The following ALS2 variants were observed in gnomAD, a reference collection of about 807,000 sequenced individuals.
The protein encoded by ALS2 is alsin.
A neutral mutation model predicts 203.4 loss-of-function variants in ALS2; 117 were observed. The ratio of observed to expected loss-of-function variants is 0.58; its 90% CI spans 0.50 to 0.67. The LOEUF (loss-of-function observed/expected upper bound fraction) is 0.67, where lower values mean the gene tolerates loss of function less well. Ranked by LOEUF, ALS2 falls within the 30% of genes least tolerant of loss-of-function variation. The probability of loss-of-function intolerance (pLI) is 0.00; values close to 1 mark genes in which losing one functional copy is unlikely to be tolerated. For missense variants in ALS2, 1,715 were observed against 1,989.4 expected (o/e 0.86, Z 2.62); for synonymous variants, 718 against 725.9 (o/e 0.99, Z 0.17).
chr2:201,760,519 A>C (rs1574785134), intron 4 of ALS2: 1 of 1,031,146 alleles, frequency 9.7e-7, no homozygotes, highest in East Asian at 8.4e-5. Context: ...TGTTACAAAC[A>C]CAAGTAAGAA....
At position 201,729,109 on chromosome 2, in the gene ALS2, T is replaced by C. The variant is rs754124225; in HGVS notation, c.2655A>G (p.Lys885=). 1.9e-6 allele frequency: 3 copies of C among 1,614,090 alleles called. No individual in the cohort carries two copies. The highest frequency in any genetic ancestry group is 2.5e-6 in the Non-Finnish European group (3 of 1,180,010). ...YECLALHLGR[K]RKEAEYTLGF... The stretch of plus-strand genomic sequence containing the variant: ...CCAGTGTGTATTCTGCTTCCTTCCT[T>C]TTCCTGCCGAGATGGAGAGCAAGAC... The change falls in exon 14 of 34, where the codon AAA becomes AAG. Residue 885 remains lysine (K), a synonymous_variant. Transcript: ENST00000264276.
At chr2:201,728,922 A>T in intron 14 of ALS2, 130 bp downstream of exon 14, 1 of 1,425,042 alleles carries the variant, frequency 7.0e-7, no homozygotes, top group Non-Finnish European at 9.9e-7. Flanking sequence ...TATGGTCCTT[A>T]GACATTTTAG....
chr2:201,749,646 T>A, intron 8 of ALS2, 66 bp downstream of exon 8: 3 of 1,341,320 alleles, frequency 2.2e-6, no homozygotes, highest in Middle Eastern at 3.6e-4. Flanking sequence ...AAATAAGAAA[T>A]GGAGAAGTAT....
At chr2:201,753,848 G>A (rs1693219508) in intron 6 of ALS2, among the ~76,000 whole-genome samples, 1 of 151,980 alleles carries the variant, frequency 6.6e-6, no homozygotes, top group Non-Finnish European at 1.5e-5. Context: ...TGACAGGTGG[G>A]GGCCTCTTTT....
At chr2:201,766,935 C>T (rs1178475794) in intron 3 of ALS2, among the ~76,000 whole-genome samples, 2 of 136,994 alleles carry the variant, frequency 1.5e-5, no homozygotes, top group African/African-American at 2.8e-5. Flanking sequence ...CACACTGGGG[C>T]CTGTTGTGGG....
rs1261661413 is a variant in ALS2 at position 201,707,038 on chromosome 2, G to A, written c.4404-16C>T. ...TACTACATAACTACAAAATAATGGA[G>A]TGGGAGAAAAGGAGCATTTTTCATA... On this transcript the variant is annotated splice_polypyrimidine_tract_variant and intron_variant, in intron 28 of 33. Transcript: ENST00000264276. 2.5e-6 allele frequency: 4 copies of A among 1,607,990 alleles called. No homozygotes were observed. Among genetic ancestry groups the A allele is most frequent in the South Asian group, 2.2e-5 (2 of 90,336 alleles).
chr2:201,706,743 C>T lies in ALS2; in HGVS notation c.4580+103G>A, dbSNP rs79546324. On this transcript the variant is annotated intron_variant, in intron 29 of 33. Transcript: ENST00000264276. ...AGAAGACATATGCAAAAAATAATTA[C>T]AAGCCATATATATAATTAGATATCA... 3.8e-4 allele frequency: 445 copies of T among 1,185,340 alleles called. 1 individual carries two copies. The African/African-American group carries it at 6.3e-3, about 17-fold the overall frequency. 73.4% of individuals were successfully genotyped at this position (1,185,340 alleles called of 1,614,324 possible). A position where few individuals can be genotyped will look rare whatever the true frequency, so the allele number is the denominator to read the frequency against.
intron 11 of ALS2, among the ~76,000 whole-genome samples, chr2:201,740,148 G>A (rs1027186354): frequency 2.6e-5 from 4 of 151,716 alleles, no homozygotes; most frequent in Admixed American, 1.3e-4. Context: ...AACATAGTGA[G>A]ACCCCCATCT....
At chr2:201,769,110 G>A (rs1398570084) in intron 1 of ALS2, among the ~76,000 whole-genome samples, 165 bp from the exon 2 acceptor site, 1 of 151,836 alleles carries the variant, frequency 6.6e-6, no homozygotes, top group Admixed American at 6.6e-5. Flanking sequence ...TCAAACATAG[G>A]CTGAGCCTGC....
At chr2:201,741,027 A>G (rs919177048) in intron 11 of ALS2, among the ~76,000 whole-genome samples, 2 of 152,194 alleles carry the variant, frequency 1.3e-5, no homozygotes, top group Non-Finnish European at 2.9e-5. Flanking sequence ...CATACTTCAG[A>G]TCAAAGCATA....
rs951011425 is a variant in ALS2 at position 201,716,136 on chromosome 2, G to A, written c.3837-297C>T. Among the ~76,000 whole-genome samples, 33 of 152,168 alleles carry A rather than the reference G, an allele frequency of 2.2e-4. 1 individual carries two copies. Among genetic ancestry groups the A allele is most frequent in the African/African-American group, 7.7e-4 (32 of 41,442 alleles). ...AAAAAATTGATTCCTGGCCAGGTGT[G>A]GTGGCTCATGTCTGTAATCCTAGCA... On this transcript the variant is annotated intron_variant, in intron 24 of 33. Coordinates refer to ENST00000264276, the MANE Select transcript of ALS2 (RefSeq NM_020919.4).
At chr2:201,749,872 T>C (rs41308830) in intron 7 of ALS2, 83 bp from the exon 8 acceptor site, 1 of 1,020,824 alleles carries the variant, frequency 9.8e-7, no homozygotes, top group Non-Finnish European at 1.5e-6. Flanking sequence ...ATAATTAACA[T>C]ATATACACAA....
chr2:201,734,512 T>C (rs1039024745), intron 12 of ALS2, among the ~76,000 whole-genome samples: 1 of 151,530 alleles, frequency 6.6e-6, no homozygotes, highest in Non-Finnish European at 1.5e-5. Context: ...ATTTTATTTA[T>C]ATTTGGCTGG....
intron 29 of ALS2, among the ~76,000 whole-genome samples, chr2:201,706,183 C>T (rs185284127): frequency 6.6e-4 from 101 of 151,978 alleles, no homozygotes; most frequent in African/African-American, 2.3e-3. Flanking sequence ...GCAAAGAGTT[C>T]GAGACCAGCC....
At chr2:201,765,102 A>C (rs148065937) in intron 3 of ALS2, among the ~76,000 whole-genome samples, 90 of 152,120 alleles carry the variant, frequency 5.9e-4, no homozygotes, top group African/African-American at 2.2e-3. Flanking sequence ...GACTCAAGCT[A>C]TCCTCCTGCC....
chr2:201,721,109 C>T (rs577534305), intron 23 of ALS2, among the ~76,000 whole-genome samples: 17 of 152,160 alleles, frequency 1.1e-4, no homozygotes, highest in Admixed American at 3.3e-4. Context: ...ATAAATTTAA[C>T]CAAAGAAATG....
chr2:201,713,133 C>CTTTTTTTTTTTTTT (rs35807671), intron 25 of ALS2, among the ~76,000 whole-genome samples: 2 of 96,262 alleles, frequency 2.1e-5, no homozygotes, highest in Non-Finnish European at 4.1e-5. Context: ...CTTTTCTTTT[C>CTTTTTTTTTTTTTT]TTTTTTTTTT....
chr2:201,707,551 T>C (rs924185743), intron 28 of ALS2, among the ~76,000 whole-genome samples: 2 of 151,984 alleles, frequency 1.3e-5, no homozygotes, highest in African/African-American at 4.8e-5. Flanking sequence ...CATCTCAGCC[T>C]CCCACGTAGC....
intron 8 of ALS2, among the ~76,000 whole-genome samples, chr2:201,747,788 A>G (rs1283898538): frequency 6.6e-6 from 1 of 152,090 alleles, no homozygotes; most frequent in Non-Finnish European, 1.5e-5. Context: ...GGTGATTCTG[A>G]TGTATGCAAA....
Sources: allele counts gnomAD v4.1 joint callset (sites outside exome capture counted in the v4.1 genomes callset), GRCh38; gene constraint gnomAD v4.1.1; transcripts MANE v1.5; gene names NCBI Gene and HGNC (gene_info 2026-07-23, HGNC 2026-07-21).